Variants in TMEM132D observed in about 807,000 individuals in gnomAD.
TMEM132D encodes the protein transmembrane protein 132D.
TMEM132D carries 21 observed loss-of-function variants against 62.3 expected under a neutral mutation model. That is an observed-to-expected ratio of 0.34 (90% CI 0.24 to 0.49). The LOEUF (loss-of-function observed/expected upper bound fraction) is 0.49. Among genes scored for constraint, TMEM132D ranks in the 20% least tolerant of loss-of-function variants. The pLI, the probability that TMEM132D is intolerant of heterozygous loss-of-function variation, is 0.99. For missense variants in TMEM132D, 1,346 were observed against 1,402.8 expected, an observed-to-expected ratio of 0.96 and a Z score of 0.65; for synonymous variants, 621 against 575.6, an observed-to-expected ratio of 1.08 and a Z score of -1.13.
At chr12:129,159,453 G>A (rs1340836532) in intron 5 of TMEM132D, among the ~76,000 whole-genome samples, 1 of 152,086 alleles carries the variant, frequency 6.6e-6, no homozygotes, top group South Asian at 2.1e-4. Context: ...AATGACATAT[G>A]CATAATAGAA....
chr12:129,894,715 G>A (rs992666534), intron 1 of TMEM132D, among the ~76,000 whole-genome samples: 4 of 145,392 alleles, frequency 2.8e-5, no homozygotes, highest in African/African-American at 7.8e-5. Context: ...CACAGAGCTC[G>A]CACCTTCCTT....
intron 1 of TMEM132D, among the ~76,000 whole-genome samples, chr12:129,828,683 GGAAGGAAGGGAGGGAGGGAGGGA>G (rs1872726506): frequency 2.6e-5 from 1 of 38,762 alleles, no homozygotes; most frequent in African/African-American, 8.1e-5. Flanking sequence ...AAAGAAGGGA[GGAAGGAAGGGAGGGAGGGAGGGA>G]GAAGGAAGGG....
chr12:129,817,721 G>T (rs1045835499), intron 1 of TMEM132D, among the ~76,000 whole-genome samples: 9 of 147,910 alleles, frequency 6.1e-5, no homozygotes, highest in African/African-American at 2.0e-4. Flanking sequence ...GTGCCTTGGG[G>T]TGTGTGTGGT....
intron 2 of TMEM132D, among the ~76,000 whole-genome samples, chr12:129,697,325 A>G (rs1881232593): frequency 6.6e-6 from 1 of 152,202 alleles, no homozygotes; most frequent in South Asian, 2.1e-4. Flanking sequence ...ATTAGTGTCA[A>G]ATTGACTTCA....
At chr12:129,516,473 T>TGG (rs1875682665) in intron 3 of TMEM132D, among the ~76,000 whole-genome samples, 1 of 152,106 alleles carries the variant, frequency 6.6e-6, no homozygotes, top group African/African-American at 2.4e-5. Context: ...GAAAGGCACA[T>TGG]CTTACATGGT....
At chr12:129,089,821 C>A (rs1019226637) in intron 5 of TMEM132D, among the ~76,000 whole-genome samples, 4 of 152,214 alleles carry the variant, frequency 2.6e-5, no homozygotes, top group African/African-American at 9.6e-5. Context: ...TTCACCAGGA[C>A]ACAGGGGGCA....
chr12:129,652,528 GGAA>G lies in TMEM132D; in HGVS notation c.968+47279_968+47281del, dbSNP rs34398268. On this transcript the variant is annotated intron_variant, in intron 2 of 8. Coordinates refer to ENST00000422113, the MANE Select transcript of TMEM132D (RefSeq NM_133448.3). ...CTAATGACAAGGGTGTTTTAAATGT[GGAA>G]GAAGGCAGGAAGCTGGAGTCAGAGG... Among the ~76,000 whole-genome samples, 697 of 152,324 alleles carry G rather than the reference GGAA, an allele frequency of 4.6e-3. 8 individuals carry two copies. Among genetic ancestry groups the G allele is most frequent in the African/African-American group, 0.016 (665 of 41,576 alleles).
intron 1 of TMEM132D, among the ~76,000 whole-genome samples, chr12:129,897,314 T>C (rs1489169524): frequency 2.0e-5 from 3 of 152,232 alleles, no homozygotes; most frequent in Non-Finnish European, 2.9e-5. Flanking sequence ...ATCCTTCTTC[T>C]GCAAACAGGA....
chr12:129,420,942 C>T (rs1872301472), intron 3 of TMEM132D, among the ~76,000 whole-genome samples: 2 of 150,184 alleles, frequency 1.3e-5, no homozygotes, highest in South Asian at 4.2e-4. Context: ...TCTAACAGTC[C>T]GAGCTGTTGG....
intron 4 of TMEM132D, among the ~76,000 whole-genome samples, chr12:129,214,354 A>C (rs1465970935): frequency 2.6e-5 from 4 of 152,218 alleles, no homozygotes; most frequent in African/African-American, 9.6e-5. Context: ...TCATTTATTC[A>C]TGTTGACCTT....
At position 129,692,394 on chromosome 12, in the gene TMEM132D, G is replaced by T. The variant is rs553478202; in HGVS notation, c.968+7416C>A. 2.0e-3 allele frequency among the ~76,000 whole-genome samples: 298 copies of T among 151,892 alleles called. 2 individuals are homozygous for T. The highest frequency in any genetic ancestry group is 6.8e-3 in the African/African-American group (282 of 41,480). On this transcript the variant is annotated intron_variant, in intron 2 of 8. Transcript: ENST00000422113. ...TGCCCACTTTTCAATGGGGTCGTTT[G>T]TTTTTTCTTGTGAATTTGCCTAAGT...
intron 2 of TMEM132D, among the ~76,000 whole-genome samples, chr12:129,543,322 A>T (rs893503513): frequency 6.8e-5 from 10 of 147,538 alleles, no homozygotes; most frequent in African/African-American, 2.5e-4. Context: ...AGATGGATGG[A>T]TGGATGGATG....
chr12:129,624,313 G>A (rs1395294461), intron 2 of TMEM132D, among the ~76,000 whole-genome samples: 1 of 152,200 alleles, frequency 6.6e-6, no homozygotes, highest in South Asian at 2.1e-4. Context: ...GGTCAGAGGG[G>A]CTGCGTGCCT....
chr12:129,518,670 A>G (rs12368099), intron 3 of TMEM132D, among the ~76,000 whole-genome samples: 36,588 of 151,960 alleles, frequency 0.24, 5,250 homozygotes, highest in Non-Finnish European at 0.32. Flanking sequence ...CTTTTTTAAC[A>G]TACCAGTAAA....
intron 3 of TMEM132D, among the ~76,000 whole-genome samples, chr12:129,482,740 G>A (rs1874464343): frequency 6.6e-6 from 1 of 151,772 alleles, no homozygotes; most frequent in Non-Finnish European, 1.5e-5. Flanking sequence ...TACTTGCAAA[G>A]TTATTTTACT....
intron 2 of TMEM132D, among the ~76,000 whole-genome samples, chr12:129,656,457 G>A (rs1269969652): frequency 6.6e-6 from 1 of 152,170 alleles, no homozygotes; most frequent in Non-Finnish European, 1.5e-5. Context: ...ATCTACAGGA[G>A]TCAAGGCATT....
At chr12:129,278,943 C>T (rs1566020182) in intron 4 of TMEM132D, among the ~76,000 whole-genome samples, 1 of 152,080 alleles carries the variant, frequency 6.6e-6, no homozygotes. Flanking sequence ...AGGCCAAATG[C>T]AAATTATAAG....
At chr12:129,200,606 G>C (rs558957490) in intron 5 of TMEM132D, among the ~76,000 whole-genome samples, 2 of 152,284 alleles carry the variant, frequency 1.3e-5, no homozygotes, top group Non-Finnish European at 2.9e-5. Context: ...TCTGCAGGTG[G>C]AGAAAAAAAG....
At chr12:129,759,550 AAG>A (rs1220794147) in intron 1 of TMEM132D, among the ~76,000 whole-genome samples, 5 of 152,340 alleles carry the variant, frequency 3.3e-5, no homozygotes, top group Non-Finnish European at 7.4e-5. Context: ...TTCTCTGTAA[AAG>A]AGAGTTTATT....
Sources: allele counts gnomAD v4.1 joint callset (sites outside exome capture counted in the v4.1 genomes callset), GRCh38; gene constraint gnomAD v4.1.1; transcripts MANE v1.5; gene names NCBI Gene and HGNC (gene_info 2026-07-23, HGNC 2026-07-21).